The following HVCN1 variants were observed in gnomAD, a reference collection of about 807,000 sequenced individuals.
HVCN1 encodes voltage-gated hydrogen channel 1.
HVCN1 carries 14 observed loss-of-function variants against 29.2 expected under a neutral mutation model. The observed-to-expected ratio is 0.48, with a 90% CI of 0.32 to 0.75. HVCN1 has a LOEUF of 0.75. Among genes scored for constraint, HVCN1 ranks in the 30% least tolerant of loss-of-function variants. The pLI is 0.04. For synonymous variants in HVCN1, 131 were observed against 133.2 expected (o/e 0.98, Z 0.11); for missense variants, 263 against 341.8 (o/e 0.77, Z 1.82).
intron 1 of HVCN1, among the ~76,000 whole-genome samples, chr12:110,703,539 T>C (rs1379303616): frequency 6.6e-6 from 1 of 152,142 alleles, no homozygotes. Flanking sequence ...CAAATTTGGC[T>C]CCAACTTGAT....
intron 2 of HVCN1, among the ~76,000 whole-genome samples, chr12:110,687,260 C>CCT (rs1555238940): frequency 1.6e-5 from 2 of 125,092 alleles, no homozygotes; most frequent in African/African-American, 6.0e-5. Flanking sequence ...AGACCACACC[C>CCT]CCCCCCCCCA....
chr12:110,677,054 A>C (rs2068771779), intron 3 of HVCN1, among the ~76,000 whole-genome samples: 1 of 151,952 alleles, frequency 6.6e-6, no homozygotes, highest in African/African-American at 2.4e-5. Context: ...AAAATCTAAA[A>C]ATTAACCAGG....
intron 2 of HVCN1, among the ~76,000 whole-genome samples, chr12:110,699,038 G>T (rs1172483570): frequency 6.6e-6 from 1 of 152,218 alleles, no homozygotes. Flanking sequence ...TGAGGCAGAA[G>T]AATCACGTGA....
chr12:110,680,992 G>A (rs549191597), intron 3 of HVCN1, among the ~76,000 whole-genome samples: 19 of 152,230 alleles, frequency 1.2e-4, no homozygotes, highest in Admixed American at 2.6e-4. Flanking sequence ...CACTATATGC[G>A]TCAGATTCGC....
At chr12:110,684,283 C>T (rs1008221897) in intron 2 of HVCN1, among the ~76,000 whole-genome samples, 3 of 118,732 alleles carry the variant, frequency 2.5e-5, no homozygotes, top group Admixed American at 9.1e-5. Context: ...AGGTGAAGGC[C>T]GCACACTGTG....
intron 2 of HVCN1, among the ~76,000 whole-genome samples, chr12:110,697,603 C>T (rs1341656527): frequency 6.6e-6 from 1 of 151,998 alleles, no homozygotes; most frequent in Non-Finnish European, 1.5e-5. Flanking sequence ...TGCAAGAACA[C>T]CCATTGATTC....
chr12:110,654,873 A>G (rs552714442), intron 5 of HVCN1, among the ~76,000 whole-genome samples: 1 of 152,230 alleles, frequency 6.6e-6, no homozygotes, highest in African/African-American at 2.4e-5. Context: ...GGGCTCAGTA[A>G]CTGAATCAGT....
intron 1 of HVCN1, among the ~76,000 whole-genome samples, chr12:110,703,159 C>T (rs1045779481): frequency 2.8e-5 from 4 of 143,128 alleles, no homozygotes; most frequent in African/African-American, 7.8e-5. Context: ...CATTTGAGCC[C>T]GGGAGTTTGA....
Position 110,667,050 on chromosome 12 carries a change from C to T in HVCN1, c.22-5602G>A, listed in dbSNP as rs556916601. 7.0e-4 allele frequency among the ~76,000 whole-genome samples: 107 copies of T among 152,278 alleles called. 5 individuals are homozygous for T. In the South Asian group the frequency reaches 0.022, roughly 31 times the overall value. ...CTCATCTCCCATGCTGGGCTCATCT[C>T]GGCCGGACCAAACATCTCTGGACTC... On this transcript the variant is annotated intron_variant, in intron 3 of 7. Coordinates refer to ENST00000242607, the MANE Select transcript of HVCN1 (RefSeq NM_032369.4).
intron 3 of HVCN1, among the ~76,000 whole-genome samples, chr12:110,674,042 G>A (rs2068668360): frequency 6.6e-6 from 1 of 152,194 alleles, no homozygotes; most frequent in Non-Finnish European, 1.5e-5. Context: ...GACACTTAAT[G>A]TCAGCTCATG....
chr12:110,663,607 A>T (rs1280576440), intron 3 of HVCN1, among the ~76,000 whole-genome samples: 1 of 151,234 alleles, frequency 6.6e-6, no homozygotes, highest in African/African-American at 2.4e-5. Context: ...AAAAAAAAAA[A>T]AAAAAAGAAT....
chr12:110,669,897 A>C (rs1219217942), intron 3 of HVCN1, among the ~76,000 whole-genome samples: 2 of 152,128 alleles, frequency 1.3e-5, no homozygotes, highest in Non-Finnish European at 2.9e-5. Flanking sequence ...CTCTACTAAA[A>C]ATACAAAAAT....
chr12:110,690,894 A>G (rs1342863877), upstream of HVCN1, among the ~76,000 whole-genome samples: 2 of 152,022 alleles, frequency 1.3e-5, no homozygotes. Flanking sequence ...AGCTGGGATT[A>G]CAGGTGCCTG....
chr12:110,651,093 G>A (rs2136241289), intron 6 of HVCN1, 124 bp downstream of exon 6: 1 of 670,808 alleles, frequency 1.5e-6, no homozygotes, highest in South Asian at 1.8e-5. Flanking sequence ...AGGGGGCAGA[G>A]GGGAGGCCTC....
chr12:110,684,902 A>G (rs1566062596), intron 2 of HVCN1, among the ~76,000 whole-genome samples: 2 of 152,146 alleles, frequency 1.3e-5, no homozygotes, highest in Non-Finnish European at 2.9e-5. Context: ...CTATGCCCTC[A>G]CAAGCACATG....
intron 3 of HVCN1, 196 bp downstream of exon 3, chr12:110,683,029 C>A: frequency 1.5e-6 from 1 of 670,594 alleles, no homozygotes; most frequent in Non-Finnish European, 2.6e-6. Context: ...TTCAAATGGT[C>A]TGATGTGGAA....
intron 2 of HVCN1, among the ~76,000 whole-genome samples, chr12:110,702,009 G>C (rs186902622): frequency 5.6e-4 from 83 of 147,304 alleles, no homozygotes; most frequent in Non-Finnish European, 5.8e-4. Context: ...GCAATGGCAC[G>C]ATCTTAGCTC....
intron 3 of HVCN1, among the ~76,000 whole-genome samples, chr12:110,681,419 C>T (rs2068965555): frequency 6.6e-6 from 1 of 152,194 alleles, no homozygotes; most frequent in African/African-American, 2.4e-5. Context: ...TGGGTTGACC[C>T]AGTCCCCCGT....
intron 3 of HVCN1, among the ~76,000 whole-genome samples, chr12:110,672,212 C>G (rs139851965): frequency 4.3e-4 from 66 of 152,306 alleles, no homozygotes; most frequent in Non-Finnish European, 7.4e-4. Flanking sequence ...TGGGCTCAAG[C>G]AATCCTCCCG....
Sources: gnomAD v4.1 joint callset for allele counts (sites outside exome capture counted in the v4.1 genomes callset) on GRCh38, gnomAD v4.1.1 for gene constraint, MANE v1.5 for transcripts, NCBI Gene and HGNC (gene_info 2026-07-23, HGNC 2026-07-21) for gene names.